FHIT: variants seen among roughly 807,000 people sequenced by gnomAD.
FHIT encodes bis(5'-adenosyl)-triphosphatase.
A neutral mutation model predicts 17.9 loss-of-function variants in FHIT; 19 were observed. That is an observed-to-expected ratio of 1.06 (90% CI 0.74 to 1.56). FHIT has a LOEUF of 1.56. Ranked by LOEUF, FHIT falls within the 40% of genes most tolerant of loss-of-function variation. The probability of loss-of-function intolerance (pLI) is 0.00; values close to 1 mark genes in which losing one functional copy is unlikely to be tolerated. For missense variants in FHIT, 248 were observed against 189.2 expected (o/e 1.31, Z -1.82); for synonymous variants, 81 against 69.7 (o/e 1.16, Z -0.81).
chr3:61,205,680 G>C (rs1489668284), intron 1 of FHIT, among the ~76,000 whole-genome samples: 5 of 152,058 alleles, frequency 3.3e-5, no homozygotes, highest in Non-Finnish European at 7.4e-5. Context: ...TTTTTGTCTT[G>C]TAAATTTATT....
chr3:60,773,888 T>G (rs1424233869), intron 4 of FHIT, among the ~76,000 whole-genome samples: 1 of 152,264 alleles, frequency 6.6e-6, no homozygotes, highest in Non-Finnish European at 1.5e-5. Context: ...CATTTTGCCT[T>G]TAATCATCTT....
intron 2 of FHIT, among the ~76,000 whole-genome samples, chr3:61,048,550 C>A (rs963207645): frequency 2.6e-5 from 4 of 152,138 alleles, no homozygotes; most frequent in African/African-American, 9.7e-5. Flanking sequence ...CTAGTGCAAC[C>A]ATTGTGGAAG....
chr3:61,050,447 A>G (rs919558589), intron 2 of FHIT, among the ~76,000 whole-genome samples: 4 of 152,204 alleles, frequency 2.6e-5, no homozygotes, highest in African/African-American at 9.7e-5. Context: ...CAAAAGAACA[A>G]TTAGGGAAAT....
At chr3:60,281,556 A>C (rs1707454517) in intron 5 of FHIT, among the ~76,000 whole-genome samples, 1 of 151,884 alleles carries the variant, frequency 6.6e-6, no homozygotes, top group Non-Finnish European at 1.5e-5. Flanking sequence ...TGCCCTGGAC[A>C]GAGGAGCAAA....
chr3:59,965,287 A>G (rs1707873907), intron 7 of FHIT, among the ~76,000 whole-genome samples: 1 of 152,148 alleles, frequency 6.6e-6, no homozygotes, highest in South Asian at 2.1e-4. Context: ...TATGGGAAAT[A>G]CAGACTCCAC....
chr3:60,575,967 G>A (rs1461517497), intron 4 of FHIT, among the ~76,000 whole-genome samples: 2 of 152,110 alleles, frequency 1.3e-5, no homozygotes, highest in Non-Finnish European at 2.9e-5. Flanking sequence ...AGATGTAGTT[G>A]CAGAAGGACA....
At position 59,778,704 on chromosome 3, in the gene FHIT, C is replaced by T; in HGVS notation, c.349-26383G>A. ...ACCCCTGGGACAGAGACTTCTGTCC[C>T]TTCTAAAGAACTGGGGAGTACTTTA... On this transcript the variant is annotated intron_variant, in intron 8 of 9. Coordinates refer to ENST00000492590, the MANE Select transcript of FHIT (RefSeq NM_002012.4). Among the ~76,000 whole-genome samples the T allele has an allele frequency of 1.3e-5, 2 of 152,198 alleles. 1 individual carries two copies. Among genetic ancestry groups the T allele is most frequent in the Non-Finnish European group, 2.9e-5 (2 of 68,036 alleles).
At chr3:60,018,374 G>T (rs1700425259) in intron 5 of FHIT, among the ~76,000 whole-genome samples, 1 of 152,112 alleles carries the variant, frequency 6.6e-6, no homozygotes, top group South Asian at 2.1e-4. Flanking sequence ...TTCAACATGA[G>T]GTTTGGAGGG....
At chr3:60,800,016 G>A (rs1378034627) in intron 4 of FHIT, among the ~76,000 whole-genome samples, 2 of 152,076 alleles carry the variant, frequency 1.3e-5, no homozygotes, top group Non-Finnish European at 2.9e-5. Context: ...AATATGAAAT[G>A]GATAGGCACA....
At chr3:60,826,647 G>C (rs1328150026) in intron 3 of FHIT, among the ~76,000 whole-genome samples, 1 of 152,164 alleles carries the variant, frequency 6.6e-6, no homozygotes, top group East Asian at 1.9e-4. Context: ...CTGAATTTCA[G>C]TTCAGCCCGC....
intron 4 of FHIT, among the ~76,000 whole-genome samples, chr3:60,807,845 AAAAAT>A (rs1319148930): frequency 7.9e-5 from 12 of 152,094 alleles, no homozygotes; most frequent in Admixed American, 7.2e-4. Context: ...TTACTAAAAA[AAAAAT>A]AAAATAAAAA....
At chr3:60,886,710 C>T (rs893492760) in intron 3 of FHIT, among the ~76,000 whole-genome samples, 2 of 152,108 alleles carry the variant, frequency 1.3e-5, no homozygotes, top group African/African-American at 4.8e-5. Flanking sequence ...GAGTCCTACC[C>T]TCTGTCTGTA....
intron 5 of FHIT, among the ~76,000 whole-genome samples, chr3:60,118,784 G>GGT: frequency 7.6e-6 from 1 of 132,232 alleles, no homozygotes; most frequent in East Asian, 2.4e-4. Flanking sequence ...CGGGGGGGGG[G>GGT]GGGTGGTGAA....
chr3:60,188,669 T>A (rs1252905979), intron 5 of FHIT, among the ~76,000 whole-genome samples: 3 of 152,200 alleles, frequency 2.0e-5, no homozygotes, highest in Non-Finnish European at 4.4e-5. Context: ...TTCTTTACAT[T>A]GCATCATAAT....
chr3:60,644,949 G>A (rs1455665302), intron 4 of FHIT, among the ~76,000 whole-genome samples: 1 of 152,096 alleles, frequency 6.6e-6, no homozygotes, highest in African/African-American at 2.4e-5. Context: ...GCTGTCTCTG[G>A]GCCTGGCAGA....
intron 5 of FHIT, chr3:60,535,809 A>ATTTTTTTTTTTTTTT (rs35209666): frequency 6.9e-6 from 1 of 144,432 alleles, no homozygotes; most frequent in Non-Finnish European, 1.5e-5. Context: ...TCTTATTTGT[A>ATTTTTTTTTTTTTTT]TTTTTTTTTT....
chr3:60,426,471 A>T (rs1303764199), intron 5 of FHIT, among the ~76,000 whole-genome samples: 3 of 152,066 alleles, frequency 2.0e-5, no homozygotes, highest in African/African-American at 7.2e-5. Context: ...AATGATAAAT[A>T]GTCTCTACTT....
At chr3:61,242,844 G>T (rs1359979313) in intron 1 of FHIT, among the ~76,000 whole-genome samples, 1 of 152,132 alleles carries the variant, frequency 6.6e-6, no homozygotes, top group African/African-American at 2.4e-5. Context: ...TATCAACCTG[G>T]GTGGTGCTAT....
At chr3:60,333,662 T>A (rs932189349) in intron 5 of FHIT, among the ~76,000 whole-genome samples, 2 of 152,232 alleles carry the variant, frequency 1.3e-5, no homozygotes, top group Non-Finnish European at 2.9e-5. Context: ...TTCCTACATA[T>A]TGAAACCAAC....
Sources: gnomAD v4.1 joint callset for allele counts (sites outside exome capture counted in the v4.1 genomes callset) on GRCh38, gnomAD v4.1.1 for gene constraint, MANE v1.5 for transcripts, NCBI Gene and HGNC (gene_info 2026-07-23, HGNC 2026-07-21) for gene names.